Variants in SCFD2 observed in about 807,000 individuals in gnomAD.
The protein encoded by SCFD2 is sec1 family domain-containing protein 2.
A neutral mutation model predicts 58.9 loss-of-function variants in SCFD2; 54 were observed. The observed-to-expected ratio is 0.92, with a 90% confidence interval of 0.74 to 1.15. The LOEUF (loss-of-function observed/expected upper bound fraction) is 1.15. Among genes scored for constraint, SCFD2 ranks in the 50% most tolerant of loss-of-function variants. The probability of loss-of-function intolerance (pLI) is 0.00; values close to 1 mark genes in which losing one functional copy is unlikely to be tolerated. For synonymous variants in SCFD2, 321 were observed against 335.9 expected (o/e 0.96, Z 0.49); for missense variants, 805 against 836.6 (o/e 0.96, Z 0.47).
In SCFD2 at chr4:52,956,394, AAGGAAAAG is replaced by A. The variant is rs988493721; in HGVS notation, c.1562-35532_1562-35525del. 3.8e-5 allele frequency: 14 copies of A among 371,134 alleles called. No homozygotes were observed. The East Asian group carries it at 1.0e-3, about 27-fold the overall frequency. 23.0% of individuals were successfully genotyped at this position (371,134 alleles called of 1,614,324 possible). A position where few individuals can be genotyped will look rare whatever the true frequency, so the allele number is the denominator to read the frequency against. On this transcript the variant is annotated intron_variant, in intron 5 of 8. Coordinates refer to ENST00000401642, the MANE Select transcript of SCFD2 (RefSeq NM_152540.4). ...ACAGAAATCCAGCTTAAATTATCTT[AAGGAAAAG>A]AGGAAAATGTACTGGCTCAAGTAAC...
chr4:53,188,541 T>C (rs1727804059), intron 4 of SCFD2, among the ~76,000 whole-genome samples: 1 of 151,862 alleles, frequency 6.6e-6, no homozygotes, highest in Non-Finnish European at 1.5e-5. Context: ...TACAAATATA[T>C]TTAGCCCCAT....
At chr4:52,944,973 A>C (rs1720387088) in intron 5 of SCFD2, among the ~76,000 whole-genome samples, 1 of 152,242 alleles carries the variant, frequency 6.6e-6, no homozygotes, top group East Asian at 1.9e-4. Context: ...AATATGGAGT[A>C]ATATGCAGTC....
chr4:53,083,933 A>G (rs533593916), intron 5 of SCFD2, among the ~76,000 whole-genome samples: 1 of 152,330 alleles, frequency 6.6e-6, no homozygotes, highest in African/African-American at 2.4e-5. Context: ...GCAAAAGCAG[A>G]ACCACTGATA....
At chr4:53,068,972 T>C (rs990722275) in intron 5 of SCFD2, among the ~76,000 whole-genome samples, 2 of 151,996 alleles carry the variant, frequency 1.3e-5, no homozygotes, top group Admixed American at 1.3e-4. Context: ...AATATTACAA[T>C]GTGTCATTGG....
At position 53,365,253 on chromosome 4, in the gene SCFD2, A is replaced by G. The variant is rs779633827; in HGVS notation, c.689T>C (p.Leu230Ser). The G allele has an allele frequency of 6.2e-7, 1 of 1,614,172 alleles. No homozygotes were observed. The highest frequency in any genetic ancestry group is 8.5e-7 in the Non-Finnish European group (1 of 1,180,020). ...AGCAAAACACTCCTCCCGTACTCCT[A>G]AATGTTCACACAGAGAACTGAGGCC... ...VSGLSSLCEH[L>S]GVREECFAVG... Residue 230 changes from leucine (L) to serine (S), a missense_variant, in exon 1 of 9, where the codon TTA (leucine) becomes TCA (serine). This residue lies in a region of SCFD2 where 633 missense variants were observed against 646.8 expected (regional missense o/e 0.98). Coordinates refer to ENST00000401642, the MANE Select transcript of SCFD2 (RefSeq NM_152540.4). This position sits in a 1 kb window ranked among gnomAD's most constrained non-coding sequence, Gnocchi z 4.3.
At chr4:53,290,903 G>A (rs527940006) in intron 3 of SCFD2, among the ~76,000 whole-genome samples, 160 of 152,070 alleles carry the variant, frequency 1.1e-3, no homozygotes, top group South Asian at 7.5e-3. Context: ...TGAATAATAA[G>A]CAATTAAAGT....
At chr4:53,353,711 C>A (rs1560463171) in intron 1 of SCFD2, among the ~76,000 whole-genome samples, 1 of 151,530 alleles carries the variant, frequency 6.6e-6, no homozygotes, top group Admixed American at 6.6e-5. Flanking sequence ...TTTCCAAGTC[C>A]CCACTAGATT....
intron 5 of SCFD2, among the ~76,000 whole-genome samples, chr4:53,084,297 G>A (rs941011759): frequency 5.9e-5 from 9 of 151,942 alleles, no homozygotes; most frequent in Admixed American, 2.0e-4. Flanking sequence ...TTTCCTACTC[G>A]CATGTCTGTT....
At chr4:53,029,646 T>C (rs1200948932) in intron 5 of SCFD2, among the ~76,000 whole-genome samples, 2 of 152,218 alleles carry the variant, frequency 1.3e-5, no homozygotes, top group Non-Finnish European at 2.9e-5. Context: ...TTCTTAACTC[T>C]GGAACAGAAT....
intron 4 of SCFD2, among the ~76,000 whole-genome samples, chr4:53,254,437 T>C (rs961646038): frequency 2.6e-5 from 4 of 152,144 alleles, no homozygotes; most frequent in Non-Finnish European, 4.4e-5. Flanking sequence ...GCCTGAGGCC[T>C]CCCCAGCAAT....
At chr4:53,305,592 T>C (rs1435261437) in intron 3 of SCFD2, among the ~76,000 whole-genome samples, 1 of 152,198 alleles carries the variant, frequency 6.6e-6, no homozygotes, top group Non-Finnish European at 1.5e-5. Flanking sequence ...TTTTAGAAAA[T>C]ATAGTTATTT....
rs547863614 is a variant in SCFD2, at chr4:52,994,446, C to T, written c.1562-73576G>A. ...TAAACATTGCCCAAGTCAGTGCCAT[C>T]GGTGCCCTCACCTGTCAAATAGAGG... On this transcript the variant is annotated intron_variant, in intron 5 of 8. Transcript: ENST00000401642. Among the ~76,000 whole-genome samples, 845 of 152,304 alleles carry T rather than the reference C, an allele frequency of 5.5e-3. 5 individuals are homozygous for T. The highest frequency in any genetic ancestry group is 9.5e-3 in the Non-Finnish European group (646 of 68,018).
At chr4:53,182,990 A>T (rs1727623374) in intron 4 of SCFD2, among the ~76,000 whole-genome samples, 2 of 152,218 alleles carry the variant, frequency 1.3e-5, no homozygotes, top group Non-Finnish European at 2.9e-5. Context: ...ATCATTAAAA[A>T]GTCAGGAAAC....
chr4:53,121,026 A>C lies in SCFD2; in HGVS notation c.1561+24307T>G, dbSNP rs4864725. 7.0e-4 allele frequency among the ~76,000 whole-genome samples: 106 copies of C among 152,346 alleles called. 1 individual carries two copies. The highest frequency in any genetic ancestry group is 2.5e-3 in the African/African-American group (103 of 41,582). ...GCTTGCCAAGCGGCTACTACGTGCC[A>C]TATCCGGTACTTGATACATTTCTGG... On this transcript the variant is annotated intron_variant, in intron 5 of 8. Transcript: ENST00000401642.
chr4:52,937,454 G>A (rs1416438628), intron 5 of SCFD2, among the ~76,000 whole-genome samples: 1 of 152,160 alleles, frequency 6.6e-6, no homozygotes, highest in Non-Finnish European at 1.5e-5. Flanking sequence ...CTTACGTGGG[G>A]GCACCAGGAG....
intron 5 of SCFD2, among the ~76,000 whole-genome samples, chr4:53,144,925 G>A (rs1324528147): frequency 1.3e-5 from 2 of 152,172 alleles, no homozygotes; most frequent in Non-Finnish European, 2.9e-5. Context: ...ACCGGGCACA[G>A]CAGGAGGTGT....
At chr4:53,128,022 T>G (rs1176383587) in intron 5 of SCFD2, among the ~76,000 whole-genome samples, 3 of 126,174 alleles carry the variant, frequency 2.4e-5, no homozygotes, top group Non-Finnish European at 4.8e-5. Flanking sequence ...TTTTTCACTA[T>G]CAAATTGCAG....
At chr4:53,327,066 A>G (rs1254299073) in intron 2 of SCFD2, among the ~76,000 whole-genome samples, 1 of 151,984 alleles carries the variant, frequency 6.6e-6, no homozygotes, top group African/African-American at 2.4e-5. Flanking sequence ...GTTGGTGCCT[A>G]GAAGGGAGTT....
intron 2 of SCFD2, among the ~76,000 whole-genome samples, chr4:53,338,575 C>CTTTTTTTTT (rs56263068): frequency 0.012 from 867 of 72,282 alleles, 39 homozygotes; most frequent in Middle Eastern, 0.017. Context: ...GTATATTTTT[C>CTTTTTTTTT]TTTTTTTTTT....
Sources: allele counts gnomAD v4.1 joint callset (sites outside exome capture counted in the v4.1 genomes callset), GRCh38; gene constraint gnomAD v4.1.1; regional missense constraint gnomAD v4.1.1; non-coding constraint Gnocchi (gnomAD v3.1); transcripts MANE v1.5; gene names NCBI Gene and HGNC (gene_info 2026-07-23, HGNC 2026-07-21).